Variants in CSMD1 observed in about 807,000 individuals in gnomAD.
The protein encoded by CSMD1 is CUB and sushi domain-containing protein 1.
A neutral mutation model predicts 417.5 loss-of-function variants in CSMD1; 213 were observed. That is an observed-to-expected ratio of 0.51 (90% confidence interval 0.46 to 0.57). The LOEUF (loss-of-function observed/expected upper bound fraction) is 0.57, where lower values mean the gene tolerates loss of function less well. Ranked by LOEUF, CSMD1 falls within the 20% of genes least tolerant of loss-of-function variation. The probability of loss-of-function intolerance (pLI) is 0.00; values close to 1 mark genes in which losing one functional copy is unlikely to be tolerated. For synonymous variants in CSMD1, 2,862 were observed against 1,736.8 expected (o/e 1.65, Z -16.11); for missense variants, 6,923 against 4,529.7 (o/e 1.53, Z -15.17).
chr8:3,310,469 G>A (rs964360950), intron 23 of CSMD1, among the ~76,000 whole-genome samples: 4 of 152,136 alleles, frequency 2.6e-5, no homozygotes, highest in African/African-American at 9.7e-5. Context: ...ATTCTCCCTG[G>A]CCACACTTGG....
Position 4,392,764 on chromosome 8 carries a change from T to C in CSMD1, c.415+27189A>G, listed in dbSNP as rs535782688. 3.3e-5 allele frequency among the ~76,000 whole-genome samples: 5 copies of C among 151,244 alleles called. No individual in the cohort carries two copies. In the South Asian group the frequency reaches 6.3e-4, roughly 19 times the overall value. ...GCGGGCGGATCACGAGGTCAAGAGA[T>C]TGAGAACATCCTGGCCAACATGGTG... On this transcript the variant is annotated intron_variant, in intron 3 of 69. Coordinates refer to ENST00000635120, the MANE Select transcript of CSMD1 (RefSeq NM_033225.6).
chr8:4,194,674 GA>G (rs1242705727), intron 3 of CSMD1, among the ~76,000 whole-genome samples: 1 of 152,064 alleles, frequency 6.6e-6, no homozygotes, highest in African/African-American at 2.4e-5. Context: ...ATAAAATGGG[GA>G]AAAGGATCAT....
chr8:4,308,842 C>T (rs1370851162), intron 3 of CSMD1, among the ~76,000 whole-genome samples: 2 of 152,010 alleles, frequency 1.3e-5, no homozygotes, highest in Non-Finnish European at 2.9e-5. Flanking sequence ...GCAATGACAC[C>T]CCATATCAAA....
At chr8:3,700,039 C>G (rs1231055538) in intron 7 of CSMD1, among the ~76,000 whole-genome samples, 1 of 152,160 alleles carries the variant, frequency 6.6e-6, no homozygotes, top group South Asian at 2.1e-4. Context: ...TAGTAGAGAT[C>G]AGAGAACAAA....
chr8:4,705,774 G>C (rs1048377538), intron 1 of CSMD1, among the ~76,000 whole-genome samples: 1 of 151,994 alleles, frequency 6.6e-6, no homozygotes, highest in East Asian at 1.9e-4. Flanking sequence ...CTGAATAATT[G>C]ATAACATTCT....
At chr8:3,544,323 T>C (rs1049537608) in intron 10 of CSMD1, among the ~76,000 whole-genome samples, 14 of 152,346 alleles carry the variant, frequency 9.2e-5, no homozygotes, top group Middle Eastern at 3.4e-3. Flanking sequence ...CAAAATATAG[T>C]AATTCAGAAA....
chr8:3,158,093 T>C, intron 38 of CSMD1, 127 bp from the exon 39 acceptor site: 1 of 764,056 alleles, frequency 1.3e-6, no homozygotes, highest in South Asian at 1.9e-5. Context: ...ATTCAAAAAT[T>C]GTGAAATCTG....
intron 3 of CSMD1, among the ~76,000 whole-genome samples, chr8:4,220,876 G>T (rs1207686799): frequency 6.6e-6 from 1 of 152,182 alleles, no homozygotes; most frequent in Admixed American, 6.5e-5. Flanking sequence ...CAAGTAAGAA[G>T]ATTTGGGACT....
intron 10 of CSMD1, among the ~76,000 whole-genome samples, chr8:3,568,308 G>C (rs749666714): frequency 6.6e-6 from 1 of 152,026 alleles, no homozygotes; most frequent in Non-Finnish European, 1.5e-5. Flanking sequence ...TGTTGTCAAT[G>C]GCAGAATTTC....
intron 2 of CSMD1, among the ~76,000 whole-genome samples, chr8:4,507,190 TTTG>T (rs1324123310): frequency 2.0e-5 from 3 of 152,212 alleles, no homozygotes; most frequent in Non-Finnish European, 2.9e-5. Flanking sequence ...TTGCCATCTG[TTTG>T]TTAATAAGAC....
chr8:4,406,736 T>C (rs769424508), intron 3 of CSMD1, among the ~76,000 whole-genome samples: 3 of 152,186 alleles, frequency 2.0e-5, no homozygotes, highest in Non-Finnish European at 4.4e-5. Context: ...TACCAGAGAA[T>C]GTATTGTTTG....
At chr8:3,558,926 C>T (rs529329002) in intron 10 of CSMD1, among the ~76,000 whole-genome samples, 33 of 152,234 alleles carry the variant, frequency 2.2e-4, no homozygotes, top group South Asian at 1.0e-3. Context: ...GGCAGCACCA[C>T]GATTCGAGGT....
chr8:4,043,905 G>C (rs1464863451), intron 3 of CSMD1, among the ~76,000 whole-genome samples: 2 of 152,132 alleles, frequency 1.3e-5, no homozygotes, highest in Non-Finnish European at 2.9e-5. Context: ...AGATAAACCT[G>C]AATCTGTATA....
At chr8:4,615,403 A>C (rs1801418328) in intron 2 of CSMD1, among the ~76,000 whole-genome samples, 2 of 152,242 alleles carry the variant, frequency 1.3e-5, no homozygotes, top group African/African-American at 4.8e-5. Flanking sequence ...GTGAAAGAAT[A>C]GCTCACTGAC....
chr8:3,983,162 G>C (rs1297489412), intron 5 of CSMD1, among the ~76,000 whole-genome samples: 3 of 126,376 alleles, frequency 2.4e-5, no homozygotes, highest in Admixed American at 8.3e-5. Flanking sequence ...ACGGACTCTC[G>C]CTCTGTCACC....
intron 25 of CSMD1, among the ~76,000 whole-genome samples, chr8:3,305,843 C>T (rs778420911): frequency 2.0e-5 from 3 of 152,004 alleles, no homozygotes; most frequent in Non-Finnish European, 4.4e-5. Context: ...CCACGTGTGG[C>T]TAATTTTTTT....
chr8:3,118,108 T>G (rs182322832), intron 42 of CSMD1, among the ~76,000 whole-genome samples: 9 of 152,334 alleles, frequency 5.9e-5, no homozygotes, highest in African/African-American at 1.9e-4. Context: ...CCCTGATGGC[T>G]TCCCAAGCCT....
At chr8:3,267,414 A>G (rs942401425) in intron 26 of CSMD1, among the ~76,000 whole-genome samples, 8 of 152,334 alleles carry the variant, frequency 5.3e-5, no homozygotes, top group African/African-American at 1.9e-4. Flanking sequence ...CGCTGCAACA[A>G]TAGATGATGG....
At chr8:4,171,384 G>A (rs1395933545) in intron 3 of CSMD1, among the ~76,000 whole-genome samples, 2 of 151,650 alleles carry the variant, frequency 1.3e-5, no homozygotes, top group Admixed American at 1.3e-4. Context: ...AATTTCTTAT[G>A]GTATTTATTG....
Sources: gnomAD v4.1 joint callset for allele counts (sites outside exome capture counted in the v4.1 genomes callset) on GRCh38, gnomAD v4.1.1 for gene constraint, MANE v1.5 for transcripts, NCBI Gene and HGNC (gene_info 2026-07-23, HGNC 2026-07-21) for gene names.